CDK11B: variants seen among roughly 807,000 people sequenced by gnomAD.
CDK11B encodes the protein cyclin dependent kinase 11B, also known as cyclin-dependent kinase 11B.
In CDK11B, 37 loss-of-function variants were observed where a neutral mutation model predicts 84.0. The observed-to-expected ratio is 0.44, with a 90% CI of 0.34 to 0.58. The LOEUF is 0.58. CDK11B is among the 20% of genes least tolerant of loss of function. The probability of loss-of-function intolerance (pLI) is 0.02; values close to 1 mark genes in which losing one functional copy is unlikely to be tolerated. For synonymous variants in CDK11B, 269 were observed against 309.8 expected, an observed-to-expected ratio of 0.87 and a Z score of 1.38; for missense variants, 427 against 834.0, an observed-to-expected ratio of 0.51 and a Z score of 6.01.
At chr1:1,637,720 A>T in intron 13 of CDK11B, 42 bp downstream of exon 13, 1 of 1,613,616 alleles carries the variant, frequency 6.2e-7, no homozygotes, top group Non-Finnish European at 8.5e-7. Context: ...CCTGTCAGAA[A>T]AGCCTTCCAC....
intron 11 of CDK11B, among the ~76,000 whole-genome samples, chr1:1,639,777 G>GCT (rs1639980676): frequency 6.6e-6 from 1 of 152,198 alleles, no homozygotes; most frequent in South Asian, 2.1e-4. Context: ...ACCTTCTCAG[G>GCT]CTTGTCCCTT....
At chr1:1,652,312 A>C (rs1202501630) in intron 4 of CDK11B, 127 bp downstream of exon 4, 13 of 759,592 alleles carry the variant, frequency 1.7e-5, no homozygotes. Flanking sequence ...TCTGTGACAC[A>C]CGTATGCTTT....
chr1:1,637,272 G>A (rs1051131003), intron 14 of CDK11B, 70 bp from the exon 15 acceptor site: 22 of 1,587,928 alleles, frequency 1.4e-5, no homozygotes, highest in African/African-American at 5.4e-5. Context: ...TGGCCCACTC[G>A]CCTCGGCAGC....
rs534339337 is a variant in CDK11B at position 1,640,955 on chromosome 1, G to A, written c.1075+93C>T. The A allele has an allele frequency of 1.1e-3, 1,766 of 1,590,350 alleles. 11 individuals carry two copies. The highest frequency in any genetic ancestry group is 1.3e-3 in the Non-Finnish European group (1,560 of 1,168,948). ...CAGGCGGCCTCCCAGACCCTGGCGT[G>A]CCCCACGCTGCGCAGGACCGGCTGT... On this transcript the variant is annotated intron_variant, in intron 10 of 19. Coordinates refer to ENST00000341832, the MANE Select transcript of CDK11B (RefSeq NM_033486.3).
intron 5 of CDK11B, among the ~76,000 whole-genome samples, chr1:1,648,159 G>C (rs1488182767): frequency 6.6e-6 from 1 of 152,274 alleles, no homozygotes; most frequent in South Asian, 2.1e-4. Flanking sequence ...TGGCTGATCT[G>C]AATCGGCCCT....
intron 5 of CDK11B, among the ~76,000 whole-genome samples, chr1:1,648,264 C>T (rs1641430393): frequency 2.0e-5 from 3 of 152,150 alleles, no homozygotes; most frequent in Non-Finnish European, 1.5e-5. Flanking sequence ...CATCTACCAA[C>T]CTCCACTTCT....
At chr1:1,646,602 G>T (rs1312151575) in intron 5 of CDK11B, 5 of 512,042 alleles carry the variant, frequency 9.8e-6, no homozygotes, top group Non-Finnish European at 1.6e-5. Context: ...CTTGCTATCT[G>T]CAGTGCCTGT....
Position 1,638,600 on chromosome 1 carries a change from A to T in CDK11B, c.1252-10T>A, listed in dbSNP as rs1331648978. ...CGACGCTCCGGCAGCCCTGGGAAGG[A>T]AGCGCCTGTGTGAGGTCTCAGTGGC... On this transcript the variant is annotated splice_polypyrimidine_tract_variant and intron_variant, in intron 11 of 19. Coordinates refer to ENST00000341832, the MANE Select transcript of CDK11B (RefSeq NM_033486.3). 1 of 1,038,466 alleles carries T rather than the reference A, an allele frequency of 9.6e-7. No homozygotes were observed. Among genetic ancestry groups the T allele is most frequent in the African/African-American group, 1.5e-5 (1 of 66,180 alleles). 64.3% of individuals were successfully genotyped at this position (1,038,466 alleles called of 1,614,324 possible).
intron 2 of CDK11B, 133 bp downstream of exon 2, chr1:1,657,242 G>A (rs779943854): frequency 6.2e-7 from 1 of 1,613,878 alleles, no homozygotes; most frequent in Non-Finnish European, 8.5e-7. Context: ...TTTTAGAATA[G>A]ATTTTGGGCT....
chr1:1,654,661 CCTT>C lies in CDK11B; in HGVS notation c.227+705_227+707del, dbSNP rs1455168193. ...TTTATTTGTGCAAAATCTTTTTTTT[CCTT>C]TTTTTTTTTTTAGAGGCGGGGTCTT... On this transcript the variant is annotated intron_variant, in intron 3 of 19. Transcript: ENST00000341832. 5.7e-4 allele frequency among the ~76,000 whole-genome samples: 72 copies of C among 126,174 alleles called. 1 individual carries two copies. Among genetic ancestry groups the C allele is most frequent in the African/African-American group, 1.8e-3 (69 of 38,054 alleles). 82.8% of individuals were successfully genotyped at this position (126,174 alleles called of 152,430 possible).
chr1:1,636,533 C>G (rs930108897), intron 17 of CDK11B, 52 bp from the exon 18 acceptor site: 6 of 1,586,848 alleles, frequency 3.8e-6, no homozygotes. Context: ...ACAGTGTTGG[C>G]ACCTGTGTCC....
At position 1,655,292 on chromosome 1, in the gene CDK11B, T is replaced by C. The variant is rs200962049; in HGVS notation, c.227+77A>G. 33 of 1,525,584 alleles carry C rather than the reference T, an allele frequency of 2.2e-5. 1 individual carries two copies. In the East Asian group the frequency reaches 6.5e-4, roughly 30 times the overall value. The allele number at this position is 1,525,584 out of a possible 1,614,324, so 94.5% of individuals were successfully genotyped here. A position where few individuals can be genotyped will look rare whatever the true frequency, so the allele number is the denominator to read the frequency against. On this transcript the variant is annotated intron_variant, in intron 3 of 19. Transcript: ENST00000341832. ...TAATAGTTACAACAGCACACAGTTGTCACAGCGACCCTAGGAAGGACCGGC... is the reference window on the plus strand; with the variant it reads ...TAATAGTTACAACAGCACACAGTTGCCACAGCGACCCTAGGAAGGACCGGC...
At chr1:1,644,798 T>C (rs957015900) in intron 6 of CDK11B, among the ~76,000 whole-genome samples, 1 of 152,006 alleles carries the variant, frequency 6.6e-6, no homozygotes, top group African/African-American at 2.4e-5. Context: ...AAGAGACTAT[T>C]CTGGCTAACA....
chr1:1,648,202 A>C (rs1641422339), intron 5 of CDK11B, among the ~76,000 whole-genome samples: 1 of 152,312 alleles, frequency 6.6e-6, no homozygotes, highest in South Asian at 2.1e-4. Flanking sequence ...ATTTTTGCTC[A>C]TTCACTCTCC....
rs528650643 is a variant in CDK11B at position 1,653,980 on chromosome 1, G to A, written c.227+1389C>T. ...GCCGAGATCATGCCAGTGCACTCCA[G>A]CCTGGGCGACAGGGTAAGACTCTGT... On this transcript the variant is annotated intron_variant, in intron 3 of 19. Coordinates refer to ENST00000341832, the MANE Select transcript of CDK11B (RefSeq NM_033486.3). 5.4e-4 allele frequency among the ~76,000 whole-genome samples: 82 copies of A among 152,218 alleles called. 1 individual carries two copies. The highest frequency in any genetic ancestry group is 3.4e-3 in the Middle Eastern group (1 of 294).
intron 14 of CDK11B, 88 bp from the exon 15 acceptor site, chr1:1,637,290 G>A: frequency 6.4e-7 from 1 of 1,572,474 alleles, no homozygotes; most frequent in Non-Finnish European, 8.6e-7. Context: ...AGCAACAGAG[G>A]CTTCTCAGGG....
At chr1:1,649,734 G>A (rs1641641508) in intron 4 of CDK11B, 97 bp from the exon 5 acceptor site, 2 of 1,233,288 alleles carry the variant, frequency 1.6e-6, no homozygotes, top group Admixed American at 2.1e-5. Flanking sequence ...TAGCACTTTG[G>A]GAGGCTGAGG....
intron 3 of CDK11B, among the ~76,000 whole-genome samples, chr1:1,654,856 C>G (rs1366847251): frequency 1.3e-5 from 2 of 151,500 alleles, no homozygotes; most frequent in African/African-American, 4.9e-5. Flanking sequence ...GACGGGGTTT[C>G]ACTGTGTTAG....
chr1:1,640,295 C>T lies in CDK11B; in HGVS notation c.1233G>A (p.Lys411=), dbSNP rs1286632399. The T allele has an allele frequency of 6.2e-7, 1 of 1,613,544 alleles. No homozygotes were observed. The change falls in exon 11 of 20, where the codon AAG becomes AAA. Residue 411 remains lysine, a synonymous_variant. Transcript: ENST00000341832. The stretch of plus-strand genomic sequence containing the variant: ...GCCTGACCTGCAGGGCCGGCAGGTA[C>T]TTGGGCAGCTCCTGCTTGAGCTCGA... ...SPIELKQELP[K]YLPALQGCRS...
Sources: allele counts gnomAD v4.1 joint callset (sites outside exome capture counted in the v4.1 genomes callset), GRCh38; gene constraint gnomAD v4.1.1; transcripts MANE v1.5; gene names NCBI Gene and HGNC (gene_info 2026-07-23, HGNC 2026-07-21).